The following MYH7 variants were observed in gnomAD, a reference collection of about 807,000 sequenced individuals.
MYH7 encodes the protein myosin-7.
Under a neutral mutation model 225.4 loss-of-function variants are expected in MYH7, and 129 were observed. The observed-to-expected ratio is 0.57, with a 90% CI of 0.50 to 0.66. MYH7 has a LOEUF of 0.66. Among genes scored for constraint, MYH7 ranks in the 30% least tolerant of loss-of-function variants. The probability of loss-of-function intolerance (pLI) is 0.00; values close to 1 mark genes in which losing one functional copy is unlikely to be tolerated. For synonymous variants in MYH7, 971 were observed against 1,007.6 expected, an observed-to-expected ratio of 0.96 and a Z score of 0.69; for missense variants, 1,649 against 2,517.0, an observed-to-expected ratio of 0.66 and a Z score of 7.38.
chr14:23,417,295 C>T lies in MYH7; in HGVS notation c.4377G>A (p.Lys1459=), dbSNP rs201307101. The T allele has an allele frequency of 1.5e-5, 25 of 1,614,142 alleles. No individual in the cohort carries two copies. The highest frequency in any genetic ancestry group is 2.0e-5 in the Non-Finnish European group (24 of 1,180,034). Residue 1459 remains lysine (K), a synonymous_variant, in exon 32 of 40, where the codon AAG becomes AAA. Transcript: ENST00000355349. ...CCAGCTCCGACTGCGACTCCTCATA[C>T]TTCTGCTTCCACTCGGCCAGGATCT... ...FDKILAEWKQ[K]YEESQSELES... is the part of the protein sequence containing the mutation.
In MYH7 at chr14:23,425,659, A is replaced by G. The variant is rs1487676494; in HGVS notation, c.2286+36T>C. On this transcript the variant is annotated intron_variant, in intron 20 of 39. Coordinates refer to ENST00000355349, the MANE Select transcript of MYH7 (RefSeq NM_000257.4). The surrounding 1 kb of genome is among the most constrained non-coding windows in gnomAD (Gnocchi z 4.6). ...CATCAGAGGAGTCAATGGAAAAGAG[A>G]TGTCTTCCTTTAATTAATTAGTCTC... is the stretch of plus-strand genomic sequence containing the variant. 4 of 1,613,660 alleles carry G rather than the reference A, an allele frequency of 2.5e-6. No homozygotes were observed. In the African/African-American group the frequency reaches 5.3e-5, roughly 22 times the overall value.
chr14:23,423,921 C>T lies in MYH7; in HGVS notation c.2908G>A (p.Ala970Thr), dbSNP rs1446657813. Residue 970 changes from alanine to threonine, a missense_variant, in exon 23 of 40, where the codon GCA becomes ACA. Ala to Thr is a moderately conservative substitution (Grantham distance 58). Coordinates refer to ENST00000355349, the MANE Select transcript of MYH7 (RefSeq NM_000257.4). ...GCTGCCCTTACCTTGTTCTCTGTTG[C>T]GTGTTTCTCCTTCTCCACTTTGGCC... ...TLAKVEKEKH[A>T]TENKVKNLTE... is the part of the protein sequence containing the mutation. 18 of 1,613,950 alleles carry T rather than the reference C, an allele frequency of 1.1e-5. No individual in the cohort carries two copies. Among genetic ancestry groups the T allele is most frequent in the East Asian group, 2.2e-5 (1 of 44,890 alleles).
intron 33 of MYH7, 87 bp from the exon 34 acceptor site, chr14:23,416,399 G>T: frequency 7.0e-7 from 1 of 1,426,694 alleles, no homozygotes; most frequent in Non-Finnish European, 9.6e-7. Context: ...TGGATACGAA[G>T]TGACTTCAAG....
Position 23,430,783 on chromosome 14 carries a change from A to G in MYH7, c.895+118T>C, listed in dbSNP as rs1892898607. On this transcript the variant is annotated intron_variant, in intron 10 of 39. Transcript: ENST00000355349. The stretch of plus-strand genomic sequence containing the variant: ...AGGGCTTGGCTTGGCCCCACATCCC[A>G]CTGAATTGAATCCAGCAGTGCCATG... 6.3e-6 allele frequency: 8 copies of G among 1,261,762 alleles called. No individual in the cohort carries two copies. The Admixed American group carries it at 8.4e-5, about 13-fold the overall frequency. 78.2% of individuals were successfully genotyped at this position (1,261,762 alleles called of 1,614,324 possible). A position where few individuals can be genotyped will look rare whatever the true frequency, so the allele number is the denominator to read the frequency against.
intron 25 of MYH7, chr14:23,421,650 A>G: frequency 1.4e-6 from 1 of 690,342 alleles, no homozygotes; most frequent in Non-Finnish European, 1.8e-6. Flanking sequence ...TTATCAAAAT[A>G]TGTTCTGCAA....
Position 23,430,706 on chromosome 14 carries a change from C to A in MYH7, c.896-43G>T, listed in dbSNP as rs769297704. 3 of 1,545,516 alleles carry A rather than the reference C, an allele frequency of 1.9e-6. No homozygotes were observed. In the African/African-American group the frequency reaches 4.1e-5, roughly 21 times the overall value. On this transcript the variant is annotated intron_variant, in intron 10 of 39. Transcript: ENST00000355349. ...GTTAGGGTGGGACACAAGCCCCCGG[C>A]TCTCATGGAGGCTGCTCGCCACAGC...
Position 23,415,020 on chromosome 14 carries a change from C to A in MYH7, c.5534G>T (p.Arg1845Leu). 1 of 1,609,868 alleles carries A rather than the reference C, an allele frequency of 6.2e-7. No homozygotes were observed. Among genetic ancestry groups the A allele is most frequent in the Non-Finnish European group, 8.5e-7 (1 of 1,179,996 alleles). The change falls in exon 37 of 40, where the codon CGG becomes CTG. Residue 1845 changes from arginine to leucine, a missense_variant. By Grantham distance (102) the Arg-to-Leu change is moderately radical. Around this residue, in one of 12 missense-constraint regions of MYH7, gnomAD observed 687 missense variants for 913.8 expected, o/e 0.75. Coordinates refer to ENST00000355349, the MANE Select transcript of MYH7 (RefSeq NM_000257.4). The surrounding 1 kb of genome is among the most constrained non-coding windows in gnomAD (Gnocchi z 6.3). Reference sequence around the variant, plus strand: ...CTGGTAGGTGAGCTCCTTGATGCGCCGCTCGCTCTTCCTCATGCCCTTCAC... The same window carrying A: ...CTGGTAGGTGAGCTCCTTGATGCGCAGCTCGCTCTTCCTCATGCCCTTCAC... ...ESVKGMRKSE[R>L]RIKELTYQTE...
chr14:23,432,236 C>T lies in MYH7; in HGVS notation c.530+243G>A, dbSNP rs74039322. Among the ~76,000 whole-genome samples, 635 of 151,956 alleles carry T rather than the reference C, an allele frequency of 4.2e-3. 6 individuals are homozygous for T. The highest frequency in any genetic ancestry group is 0.015 in the African/African-American group (602 of 41,408). On this transcript the variant is annotated intron_variant, in intron 6 of 39. Transcript: ENST00000355349. Reference sequence around the variant, plus strand: ...TGGCGATAATGAGCTTCTGGATAAACGCGTGATGAGTTGGAGAGTGGGTGA... The same window carrying T: ...TGGCGATAATGAGCTTCTGGATAAATGCGTGATGAGTTGGAGAGTGGGTGA...
chr14:23,426,126 T>C (rs977369539), intron 18 of MYH7, 45 bp from the exon 19 acceptor site: 1 of 1,606,222 alleles, frequency 6.2e-7, no homozygotes, highest in East Asian at 2.2e-5. Context: ...AACACTGGAC[T>C]GAAGTTCTGG....
intron 22 of MYH7, 139 bp from the exon 23 acceptor site, chr14:23,424,288 G>C (rs1291956870): frequency 8.7e-7 from 1 of 1,145,238 alleles, no homozygotes; most frequent in East Asian, 2.6e-5. Context: ...CAGAAGTATG[G>C]GGAGGGGAAG....
At chr14:23,419,462 G>C (rs45584435) in intron 28 of MYH7, 21 bp downstream of exon 28, 1 of 1,613,540 alleles carries the variant, frequency 6.2e-7, no homozygotes, top group African/African-American at 1.3e-5. Flanking sequence ...GGGAACCATG[G>C]AGCCCCTGCT....
rs755230416 is a variant in MYH7 at position 23,413,994 on chromosome 14, C to A, written c.5655+13G>T. 4 of 1,614,052 alleles carry A rather than the reference C, an allele frequency of 2.5e-6. No individual in the cohort carries two copies. The African/African-American group carries it at 4.0e-5, about 16-fold the overall frequency. On this transcript the variant is annotated intron_variant, in intron 38 of 39. Coordinates refer to ENST00000355349, the MANE Select transcript of MYH7 (RefSeq NM_000257.4). ...TGCCTCCCCTGGGCCTAGTCCCCAG[C>A]AGGGTCACTCACCGCCTCCTCGGCC...
At chr14:23,413,685 C>A in intron 39 of MYH7, 74 bp downstream of exon 39, 5 of 1,600,884 alleles carry the variant, frequency 3.1e-6, no homozygotes, top group Non-Finnish European at 4.3e-6. Flanking sequence ...AAGGAAGCAT[C>A]CCGGGTTTGA....
At position 23,415,807 on chromosome 14, in the gene MYH7, G is replaced by T. The variant is rs1006534868; in HGVS notation, c.4979C>A (p.Ala1660Glu). ...LKDTQIQLDDAVRANDDLKEN... is the reference protein window; with the variant it reads ...LKDTQIQLDDEVRANDDLKEN... ...CTTCAGGTCGTCGTTGGCACGGACT[G>T]CATCGTCCAGCTGAATCTGGGTGTC... Residue 1660 changes from alanine (A) to glutamate (E), a missense_variant, in exon 35 of 40, where the codon GCA (alanine) becomes GAA (glutamate). Ala to Glu is a moderately radical substitution (Grantham distance 107). Transcript: ENST00000355349. The surrounding 1 kb of genome is among the most constrained non-coding windows in gnomAD (Gnocchi z 6.3). 5 of 1,614,230 alleles carry T rather than the reference G, an allele frequency of 3.1e-6. No homozygotes were observed. The highest frequency in any genetic ancestry group is 4.2e-6 in the Non-Finnish European group (5 of 1,180,038).
In MYH7 at chr14:23,424,115, C is replaced by A. The variant is rs730880757; in HGVS notation, c.2714G>T (p.Cys905Phe). ...QDNLADAEER[C>F]DQLIKNKIQL... ...AATCTTGTTTTTGATCAGCTGATCA[C>A]AGCGCTCCTCAGCATCTGCCAGGTT... is the stretch of plus-strand genomic sequence containing the variant. The change falls in exon 23 of 40, where the codon TGT becomes TTT. Residue 905 changes from cysteine (C) to phenylalanine (F), a missense_variant. Around this residue, in one of 12 missense-constraint regions of MYH7, gnomAD observed 282 missense variants for 315.3 expected, o/e 0.89. Transcript: ENST00000355349. The A allele has an allele frequency of 6.2e-7, 1 of 1,614,240 alleles. No individual in the cohort carries two copies. The highest frequency in any genetic ancestry group is 8.5e-7 in the Non-Finnish European group (1 of 1,180,044).
At chr14:23,431,515 G>C in intron 8 of MYH7, 34 bp from the exon 9 acceptor site, 1 of 1,613,650 alleles carries the variant, frequency 6.2e-7, no homozygotes, top group Non-Finnish European at 8.5e-7. Flanking sequence ...GATGAGTTGG[G>C]GGAAGGCTCA....
intron 24 of MYH7, among the ~76,000 whole-genome samples, chr14:23,423,193 C>G (rs1233564640): frequency 6.6e-6 from 1 of 152,050 alleles, no homozygotes; most frequent in Non-Finnish European, 1.5e-5. Context: ...ACAAAATTTC[C>G]AAAGAAATTT....
chr14:23,418,126 G>A, intron 30 of MYH7, 84 bp downstream of exon 30: 4 of 1,592,944 alleles, frequency 2.5e-6, no homozygotes, highest in South Asian at 1.1e-5. Flanking sequence ...AGCATCGCCT[G>A]TGTGGGATCT....
rs1892331364 is a variant in MYH7, at chr14:23,418,549, T to C, written c.3973-143A>G. ...CCCCAGTGGACCTGTCATGGTTTAC[T>C]GTTTGCTGATAACAAAGAATGCCAA... On this transcript the variant is annotated intron_variant, in intron 29 of 39. Coordinates refer to ENST00000355349, the MANE Select transcript of MYH7 (RefSeq NM_000257.4). 1.5e-5 allele frequency: 16 copies of C among 1,057,970 alleles called. No homozygotes were observed. The South Asian group carries it at 2.5e-4, about 17-fold the overall frequency. 65.5% of individuals were successfully genotyped at this position (1,057,970 alleles called of 1,614,324 possible). A position where few individuals can be genotyped will look rare whatever the true frequency, so the allele number is the denominator to read the frequency against.
Sources: allele counts gnomAD v4.1 joint callset (sites outside exome capture counted in the v4.1 genomes callset), GRCh38; gene constraint gnomAD v4.1.1; regional missense constraint gnomAD v4.1.1; non-coding constraint Gnocchi (gnomAD v3.1); transcripts MANE v1.5; gene names NCBI Gene and HGNC (gene_info 2026-07-23, HGNC 2026-07-21).